Variants in RANBP1 observed in about 807,000 individuals in gnomAD.
RANBP1 encodes the protein ran-specific GTPase-activating protein.
RANBP1 carries 16 observed loss-of-function variants against 31.4 expected under a neutral mutation model. The observed-to-expected ratio is 0.51, with a 90% CI of 0.34 to 0.77. The LOEUF (loss-of-function observed/expected upper bound fraction) is 0.77, where lower values mean the gene tolerates loss of function less well. RANBP1 is among the 30% of genes least tolerant of loss of function. The pLI is 0.01. For synonymous variants in RANBP1, 129 were observed against 140.5 expected, an observed-to-expected ratio of 0.92 and a Z score of 0.58; for missense variants, 265 against 362.0, an observed-to-expected ratio of 0.73 and a Z score of 2.17.
intron 1 of RANBP1, chr22:20,117,381 C>T (rs961693667): frequency 2.5e-6 from 3 of 1,205,858 alleles, no homozygotes; most frequent in Admixed American, 4.7e-5. Flanking sequence ...GGGCATGCGC[C>T]GCGGGCGTTT....
chr22:20,119,417 C>T (rs2050126706), intron 2 of RANBP1: 2 of 428,226 alleles, frequency 4.7e-6, no homozygotes, highest in Non-Finnish European at 8.4e-6. Flanking sequence ...CCCTTTTTTG[C>T]CACTGGCTTC....
intron 2 of RANBP1, among the ~76,000 whole-genome samples, chr22:20,119,912 T>C (rs2050138590): frequency 6.6e-6 from 1 of 152,282 alleles, no homozygotes; most frequent in African/African-American, 2.4e-5. Flanking sequence ...CATGTGCTTC[T>C]TGACGCTTTC....
chr22:20,116,726 G>GCCCCCCCC, intron 1 of RANBP1: 1 of 1,419,668 alleles, frequency 7.0e-7, no homozygotes, highest in Non-Finnish European at 9.5e-7. Flanking sequence ...ACTCAGCCCT[G>GCCCCCCCC]CCCCTCCCCC....
At chr22:20,126,772 CT>C in intron 5 of RANBP1, 179 bp from the exon 6 acceptor site, 1 of 1,336,514 alleles carries the variant, frequency 7.5e-7, no homozygotes, top group East Asian at 2.6e-5. Flanking sequence ...ACCTGGCTTC[CT>C]TTCGTCACTG....
chr22:20,125,388 G>A lies in RANBP1; in HGVS notation c.622G>A (p.Glu208Lys). Reference protein sequence around the residue: ...VWNTHADFADECPKPELLAIR... With the variant: ...VWNTHADFADKCPKPELLAIR... ...GAACACCCACGCTGACTTCGCCGAC[G>A]AGTGCCCCAAGCCAGAGCTGCTGGC... Residue 208 changes from glutamate (E) to lysine (K), a missense_variant, in exon 4 of 6, where the codon GAG becomes AAG. Glu to Lys is a moderately conservative substitution (Grantham distance 56). This residue lies in a region of RANBP1 where 90 missense variants were observed against 190.5 expected (regional missense o/e 0.47). Coordinates refer to ENST00000430524, the MANE Select transcript of RANBP1 (RefSeq NM_001278639.2). 3 of 1,611,352 alleles carry A rather than the reference G, an allele frequency of 1.9e-6. No individual in the cohort carries two copies. The highest frequency in any genetic ancestry group is 1.1e-5 in the South Asian group (1 of 90,854).
At chr22:20,125,552 G>C (rs1231667638) in intron 4 of RANBP1, 116 bp downstream of exon 4, 1 of 1,537,190 alleles carries the variant, frequency 6.5e-7, no homozygotes, top group South Asian at 1.2e-5. Context: ...TAACTGGGAA[G>C]TGTGTCGTGT....
At chr22:20,116,994 G>GTCACAAGGGAAGTGGCCTC in intron 1 of RANBP1, 1 of 1,520,258 alleles carries the variant, frequency 6.6e-7, no homozygotes. Flanking sequence ...GAAGTGGCCT[G>GTCACAAGGGAAGTGGCCTC]TCACAAGGGA....
intron 1 of RANBP1, chr22:20,117,751 A>G: frequency 9.3e-7 from 1 of 1,077,232 alleles, no homozygotes; most frequent in South Asian, 4.4e-5. Context: ...CGCCGCCGCC[A>G]CCAACCTCCG....
rs149504996 is a variant in RANBP1, at chr22:20,126,838, G to A, written c.737-114G>A. ...GCTTGGCCAGGCAGGAGTCTGTCCC[G>A]AGGGCGGGCAAGCCGCTGTGGGTGG... On this transcript the variant is annotated intron_variant, in intron 5 of 5. Transcript: ENST00000430524. 40 of 1,417,630 alleles carry A rather than the reference G, an allele frequency of 2.8e-5. No homozygotes were observed. The East Asian group carries it at 7.5e-4, about 26-fold the overall frequency. 87.8% of individuals were successfully genotyped at this position (1,417,630 alleles called of 1,614,324 possible). A position where few individuals can be genotyped will look rare whatever the true frequency, so the allele number is the denominator to read the frequency against.
At chr22:20,117,075 C>G in intron 1 of RANBP1, 1 of 880,212 alleles carries the variant, frequency 1.1e-6, no homozygotes, top group Non-Finnish European at 1.7e-6. Flanking sequence ...CGGCTTCGCC[C>G]CAGGCGGGGC....
intron 1 of RANBP1, chr22:20,117,424 G>C (rs1269279950): frequency 1.7e-6 from 2 of 1,203,152 alleles, no homozygotes; most frequent in South Asian, 5.8e-5. Flanking sequence ...CGGACAATGA[G>C]AGTGTCCGCC....
intron 1 of RANBP1, chr22:20,116,670 C>G: frequency 6.7e-7 from 1 of 1,503,660 alleles, no homozygotes; most frequent in Non-Finnish European, 8.9e-7. Flanking sequence ...GCCTGGCCCC[C>G]CAAGCTTCCT....
intron 1 of RANBP1, chr22:20,117,852 C>A (rs1602529808): frequency 1.1e-5 from 11 of 1,012,492 alleles, no homozygotes; most frequent in Non-Finnish European, 1.3e-5. Context: ...GGAGTTGGGG[C>A]GTTTGGGGGT....
intron 3 of RANBP1, chr22:20,124,988 G>A: frequency 2.9e-6 from 1 of 344,570 alleles, no homozygotes; most frequent in South Asian, 2.6e-5. Flanking sequence ...CATTTCTGGA[G>A]GTGGGGGTCT....
At chr22:20,122,454 C>CCAG (rs753614592) in intron 3 of RANBP1, 33 bp downstream of exon 3, 36 of 1,611,344 alleles carry the variant, frequency 2.2e-5, no homozygotes, top group Non-Finnish European at 3.0e-5. Context: ...TCGACAGTCC[C>CCAG]CAGCAGCTTG....
At chr22:20,117,405 G>A in intron 1 of RANBP1, 1 of 1,207,952 alleles carries the variant, frequency 8.3e-7, no homozygotes, top group Non-Finnish European at 1.0e-6. Context: ...CGGGAAGCGC[G>A]GGGCGGGCCG....
chr22:20,125,148 C>T (rs2050267625), intron 3 of RANBP1, 160 bp from the exon 4 acceptor site: 12 of 725,216 alleles, frequency 1.7e-5, no homozygotes, highest in Admixed American at 5.6e-5. Context: ...ACTCAGGCGC[C>T]GTGGTACTTT....
chr22:20,124,884 T>C, intron 3 of RANBP1: 1 of 203,370 alleles, frequency 4.9e-6, no homozygotes, highest in Non-Finnish European at 9.8e-6. Flanking sequence ...GCTTCTGACT[T>C]CACGGCCAGG....
chr22:20,119,921 T>C (rs1380561403), intron 2 of RANBP1, among the ~76,000 whole-genome samples: 1 of 152,254 alleles, frequency 6.6e-6, no homozygotes, highest in Non-Finnish European at 1.5e-5. Context: ...CTTGACGCTT[T>C]CAGTTAAGAG....
Sources: gnomAD v4.1 joint callset for allele counts (sites outside exome capture counted in the v4.1 genomes callset) on GRCh38, gnomAD v4.1.1 for gene constraint, gnomAD v4.1.1 regional missense constraint, MANE v1.5 for transcripts, NCBI Gene and HGNC (gene_info 2026-07-23, HGNC 2026-07-21) for gene names.